Variants in DLGAP1 observed in about 807,000 individuals in gnomAD.
DLGAP1 encodes the protein DLG associated protein 1, also known as disks large-associated protein 1.
A neutral mutation model predicts 90.8 loss-of-function variants in DLGAP1; 11 were observed. That is an observed-to-expected ratio of 0.12 (90% CI 0.08 to 0.20). The LOEUF (loss-of-function observed/expected upper bound fraction) is 0.20. Ranked by LOEUF, DLGAP1 falls within the 10% of genes least tolerant of loss-of-function variation. The pLI, the probability that DLGAP1 is intolerant of heterozygous loss-of-function variation, is 1.00. For missense variants in DLGAP1, 1,050 were observed against 1,333.8 expected (o/e 0.79, Z 3.31); for synonymous variants, 558 against 540.7 (o/e 1.03, Z -0.44).
chr18:3,645,904 A>C (rs1007130092), intron 7 of DLGAP1, among the ~76,000 whole-genome samples: 1 of 152,200 alleles, frequency 6.6e-6, no homozygotes, highest in Admixed American at 6.5e-5. Context: ...ATAGAGTATA[A>C]TATGTCATGT....
intron 1 of DLGAP1, among the ~76,000 whole-genome samples, chr18:4,173,348 T>C (rs2077054519): frequency 6.6e-6 from 1 of 152,190 alleles, no homozygotes; most frequent in African/African-American, 2.4e-5. Context: ...CCCATACAAT[T>C]ACAATCAGTC....
intron 5 of DLGAP1, among the ~76,000 whole-genome samples, chr18:3,751,947 G>C (rs1174071405): frequency 6.7e-6 from 1 of 149,654 alleles, no homozygotes; most frequent in Non-Finnish European, 1.5e-5. Flanking sequence ...GCAGTGGCGC[G>C]ATCTTGGCTC....
chr18:3,748,932 T>C (rs1035728510), intron 5 of DLGAP1, among the ~76,000 whole-genome samples: 3 of 152,202 alleles, frequency 2.0e-5, no homozygotes, highest in African/African-American at 4.8e-5. Context: ...TGTAGTTGCC[T>C]CTTGAGTTAT....
At position 4,419,418 on chromosome 18, in the gene DLGAP1, T is replaced by C. The variant is rs527362216; in HGVS notation, c.-267+35588A>G. 2.6e-5 allele frequency among the ~76,000 whole-genome samples: 4 copies of C among 152,136 alleles called. No individual in the cohort carries two copies. The South Asian group carries it at 8.3e-4, about 32-fold the overall frequency. On this transcript the variant is annotated intron_variant, in intron 1 of 12. Coordinates refer to ENST00000315677, the MANE Select transcript of DLGAP1 (RefSeq NM_004746.4). ...GCCAGCAGACCTACCCTTCAAAAAG[T>C]GGTAAAGGAAGTTCTATAGGCAGAA...
intron 7 of DLGAP1, among the ~76,000 whole-genome samples, chr18:3,724,871 C>T (rs982011539): frequency 1.3e-5 from 2 of 150,998 alleles, no homozygotes; most frequent in African/African-American, 2.4e-5. Context: ...TACCACTGCA[C>T]TCCAGCCTAG....
At chr18:4,180,952 C>T (rs2077197234) in intron 1 of DLGAP1, among the ~76,000 whole-genome samples, 1 of 151,988 alleles carries the variant, frequency 6.6e-6, no homozygotes, top group Non-Finnish European at 1.5e-5. Context: ...CAGGAAGCTG[C>T]TCAGAGGTCC....
chr18:4,162,035 T>C (rs997094615), intron 1 of DLGAP1, among the ~76,000 whole-genome samples: 2 of 152,160 alleles, frequency 1.3e-5, no homozygotes, highest in Non-Finnish European at 2.9e-5. Context: ...AATGTATTCA[T>C]ACATTCAACA....
At chr18:4,083,883 G>A (rs976934574) in intron 2 of DLGAP1, among the ~76,000 whole-genome samples, 1 of 152,128 alleles carries the variant, frequency 6.6e-6, no homozygotes, top group Non-Finnish European at 1.5e-5. Flanking sequence ...GGTGGCTTAT[G>A]TTAATTAGCT....
At chr18:4,447,688 G>A (rs1336422047) in intron 1 of DLGAP1, among the ~76,000 whole-genome samples, 2 of 152,180 alleles carry the variant, frequency 1.3e-5, no homozygotes, top group African/African-American at 2.4e-5. Flanking sequence ...TAAAAAGAAT[G>A]TGTGACACAG....
At chr18:4,193,347 A>G (rs866959621) in intron 1 of DLGAP1, among the ~76,000 whole-genome samples, 2 of 152,228 alleles carry the variant, frequency 1.3e-5, no homozygotes, top group African/African-American at 4.8e-5. Context: ...CTAGGTCAAA[A>G]GTAAAATCAT....
intron 4 of DLGAP1, among the ~76,000 whole-genome samples, chr18:3,852,327 C>T (rs1324734637): frequency 6.6e-6 from 1 of 152,180 alleles, no homozygotes; most frequent in African/African-American, 2.4e-5. Flanking sequence ...ATGAAGTTGA[C>T]ATCAGATTTA....
At chr18:4,313,255 A>G (rs2080445263) in intron 1 of DLGAP1, among the ~76,000 whole-genome samples, 1 of 152,190 alleles carries the variant, frequency 6.6e-6, no homozygotes, top group Non-Finnish European at 1.5e-5. Flanking sequence ...AGAAGGTGAT[A>G]TGTGCTATGG....
chr18:4,145,574 A>G (rs1274159784), intron 2 of DLGAP1, among the ~76,000 whole-genome samples: 1 of 152,218 alleles, frequency 6.6e-6, no homozygotes, highest in East Asian at 1.9e-4. Context: ...ACTAAAAAAC[A>G]CATAAAACAG....
intron 5 of DLGAP1, among the ~76,000 whole-genome samples, chr18:3,787,819 C>T (rs143355820): frequency 3.3e-5 from 5 of 152,290 alleles, no homozygotes; most frequent in East Asian, 1.9e-4. Context: ...TCTGACCCCC[C>T]GCCCCAAGCT....
intron 7 of DLGAP1, among the ~76,000 whole-genome samples, chr18:3,640,158 T>C (rs1336328656): frequency 5.3e-5 from 8 of 152,076 alleles, no homozygotes; most frequent in African/African-American, 1.9e-4. Flanking sequence ...CTGTGATAGA[T>C]GCTTAATAAA....
chr18:3,942,185 A>G (rs1380414073), intron 3 of DLGAP1, among the ~76,000 whole-genome samples: 2 of 152,204 alleles, frequency 1.3e-5, no homozygotes, highest in Non-Finnish European at 2.9e-5. Context: ...GTATTTATGA[A>G]GAGCCTTCAC....
intron 7 of DLGAP1, among the ~76,000 whole-genome samples, chr18:3,681,752 G>A (rs1222505178): frequency 3.3e-5 from 5 of 152,160 alleles, no homozygotes; most frequent in African/African-American, 1.2e-4. Flanking sequence ...CATGGGGATG[G>A]TTTCTCGTGA....
chr18:4,357,926 G>A (rs2144065933), intron 1 of DLGAP1, among the ~76,000 whole-genome samples: 2 of 152,324 alleles, frequency 1.3e-5, no homozygotes, highest in Middle Eastern at 6.8e-3. Context: ...TCTGAAATTT[G>A]AGCCCCAGTG....
intron 7 of DLGAP1, among the ~76,000 whole-genome samples, chr18:3,646,798 G>T (rs887723124): frequency 1.3e-5 from 2 of 151,812 alleles, no homozygotes; most frequent in East Asian, 3.9e-4. Flanking sequence ...GGTGGTGGGC[G>T]CCTGTAGTCC....
Sources: allele counts gnomAD v4.1 joint callset (sites outside exome capture counted in the v4.1 genomes callset), GRCh38; gene constraint gnomAD v4.1.1; transcripts MANE v1.5; gene names NCBI Gene and HGNC (gene_info 2026-07-23, HGNC 2026-07-21).